SUGCT: variants seen among roughly 807,000 people sequenced by gnomAD.
SUGCT encodes succinyl-CoA:glutarate CoA-transferase.
In SUGCT, 41 loss-of-function variants were observed where a neutral mutation model predicts 55.0. The ratio of observed to expected loss-of-function variants is 0.74; its 90% CI spans 0.58 to 0.97. SUGCT has a LOEUF of 0.97. Ranked by LOEUF, SUGCT falls within the 50% of genes least tolerant of loss-of-function variation. The pLI is 0.00. For missense variants in SUGCT, 568 were observed against 547.8 expected, an observed-to-expected ratio of 1.04 and a Z score of -0.37; for synonymous variants, 187 against 200.4, an observed-to-expected ratio of 0.93 and a Z score of 0.56.
At chr7:40,203,157 A>G (rs572686402) in intron 6 of SUGCT, among the ~76,000 whole-genome samples, 4 of 152,346 alleles carry the variant, frequency 2.6e-5, no homozygotes, top group East Asian at 1.9e-4. Flanking sequence ...GATGCCTAGC[A>G]TACAATAACA....
chr7:40,819,747 A>G (rs1271053191), intron 13 of SUGCT, among the ~76,000 whole-genome samples: 1 of 152,136 alleles, frequency 6.6e-6, no homozygotes, highest in Non-Finnish European at 1.5e-5. Flanking sequence ...TGCTGTGCAG[A>G]AGCTCTTTAG....
chr7:40,225,326 T>C (rs533308114), intron 6 of SUGCT, among the ~76,000 whole-genome samples: 19 of 152,174 alleles, frequency 1.2e-4, no homozygotes, highest in Non-Finnish European at 2.6e-4. Context: ...GTGTAATTAA[T>C]CAGCCAGTTT....
intron 13 of SUGCT, among the ~76,000 whole-genome samples, chr7:40,811,091 G>A (rs1354739960): frequency 6.6e-6 from 1 of 152,082 alleles, no homozygotes; most frequent in Non-Finnish European, 1.5e-5. Flanking sequence ...CTTTATTTCT[G>A]CATTCTGTAT....
chr7:40,619,275 G>C (rs2151788078), intron 12 of SUGCT, among the ~76,000 whole-genome samples: 1 of 152,286 alleles, frequency 6.6e-6, no homozygotes, highest in South Asian at 2.1e-4. Context: ...CTAGTCATGA[G>C]TACTTCTGCC....
chr7:40,247,063 T>G (rs917737998), intron 7 of SUGCT, among the ~76,000 whole-genome samples: 1 of 152,224 alleles, frequency 6.6e-6, no homozygotes, highest in Non-Finnish European at 1.5e-5. Flanking sequence ...AAAACTGAAC[T>G]CTCTTCTGAA....
the SUGCT span, among the ~76,000 whole-genome samples, chr7:40,889,009 T>C: frequency 6.6e-6 from 1 of 152,344 alleles, no homozygotes; most frequent in South Asian, 2.1e-4. Flanking sequence ...GATTGTGTTT[T>C]CTTTGACTGA....
chr7:40,486,615 T>G (rs1010108445), intron 11 of SUGCT, among the ~76,000 whole-genome samples: 2 of 152,104 alleles, frequency 1.3e-5, no homozygotes, highest in Non-Finnish European at 2.9e-5. Context: ...TGCTATAAAC[T>G]TCCCTCTTAG....
At chr7:40,876,370 C>T in the SUGCT span, among the ~76,000 whole-genome samples, 3 of 152,130 alleles carry the variant, frequency 2.0e-5, no homozygotes, top group African/African-American at 7.2e-5. Context: ...AGTCAGACTC[C>T]AGAATGCCCA....
chr7:41,019,001 G>T, the SUGCT span, among the ~76,000 whole-genome samples: 1 of 151,808 alleles, frequency 6.6e-6, no homozygotes, highest in Admixed American at 6.6e-5. Context: ...TGCCTCCCGG[G>T]TTCAAGCGAT....
At chr7:40,151,887 G>A (rs1459262890) in intron 1 of SUGCT, among the ~76,000 whole-genome samples, 1 of 152,150 alleles carries the variant, frequency 6.6e-6, no homozygotes. Flanking sequence ...TTGGCAGGTT[G>A]GGAGCCAGAG....
chr7:40,402,065 G>A (rs1035906319), intron 9 of SUGCT, among the ~76,000 whole-genome samples: 8 of 151,800 alleles, frequency 5.3e-5, no homozygotes, highest in South Asian at 2.1e-4. Context: ...TTTATTGAGC[G>A]TTTATGTGCC....
At chr7:40,196,421 C>T (rs1415471795) in intron 6 of SUGCT, among the ~76,000 whole-genome samples, 2 of 152,196 alleles carry the variant, frequency 1.3e-5, no homozygotes, top group African/African-American at 4.8e-5. Flanking sequence ...AAAAATCCAT[C>T]TGTGCTCTCT....
the SUGCT span, among the ~76,000 whole-genome samples, chr7:40,913,320 A>T: frequency 6.6e-6 from 1 of 152,168 alleles, no homozygotes; most frequent in East Asian, 1.9e-4. Context: ...CATTGATTTT[A>T]TAACACATCC....
intron 1 of SUGCT, among the ~76,000 whole-genome samples, chr7:40,142,721 A>G (rs1261421886): frequency 6.6e-6 from 1 of 152,226 alleles, no homozygotes; most frequent in Non-Finnish European, 1.5e-5. Flanking sequence ...TACTTCCATC[A>G]GGGACAGTGT....
At chr7:40,810,971 CTGTATA>C (rs1791378014) in intron 13 of SUGCT, among the ~76,000 whole-genome samples, 1 of 152,126 alleles carries the variant, frequency 6.6e-6, no homozygotes, top group Non-Finnish European at 1.5e-5. Flanking sequence ...TTTCATTCTT[CTGTATA>C]TGGCTAGACA....
intron 12 of SUGCT, among the ~76,000 whole-genome samples, chr7:40,518,537 G>A (rs945226267): frequency 1.3e-5 from 2 of 152,114 alleles, no homozygotes; most frequent in Admixed American, 6.5e-5. Flanking sequence ...ATACTTAGAT[G>A]CAGAAATAAA....
downstream of SUGCT, among the ~76,000 whole-genome samples, chr7:40,861,467 T>C (rs1029624): frequency 0.34 from 51,128 of 151,988 alleles, 9,635 homozygotes; most frequent in East Asian, 0.82. Flanking sequence ...CCAGGATAAA[T>C]TGTTGCTCAA....
At chr7:40,705,035 T>C in intron 12 of SUGCT, among the ~76,000 whole-genome samples, 1 of 152,264 alleles carries the variant, frequency 6.6e-6, no homozygotes, top group East Asian at 1.9e-4. Flanking sequence ...TTTATATTTT[T>C]GTACATTCAG....
chr7:40,615,743 A>C (rs1295677271), intron 12 of SUGCT, among the ~76,000 whole-genome samples: 1 of 152,146 alleles, frequency 6.6e-6, no homozygotes, highest in Non-Finnish European at 1.5e-5. Context: ...GAGCAAATAA[A>C]ATTTTTGTCT....
Sources: gnomAD v4.1 joint callset for allele counts (sites outside exome capture counted in the v4.1 genomes callset) on GRCh38, gnomAD v4.1.1 for gene constraint, MANE v1.5 for transcripts, NCBI Gene and HGNC (gene_info 2026-07-23, HGNC 2026-07-21) for gene names.